Variants in VWF observed in about 807,000 individuals in gnomAD.
The protein encoded by VWF is Factor VIII related antigen.
Under a neutral mutation model 308.6 loss-of-function variants are expected in VWF, and 176 were observed. The observed-to-expected ratio is 0.57, with a 90% CI of 0.50 to 0.65. VWF has a LOEUF of 0.65. Among genes scored for constraint, VWF ranks in the 30% least tolerant of loss-of-function variants. The pLI is 0.00. For synonymous variants in VWF, 1,385 were observed against 1,443.4 expected, an observed-to-expected ratio of 0.96 and a Z score of 0.92; for missense variants, 3,146 against 3,648.2, an observed-to-expected ratio of 0.86 and a Z score of 3.55.
At chr12:5,953,713 G>C in intron 47 of VWF, 119 bp from the exon 48 acceptor site, 2 of 809,800 alleles carry the variant, frequency 2.5e-6, no homozygotes, top group Non-Finnish European at 4.3e-6. Context: ...CTAGAATTCG[G>C]AAAGTCAACA....
Position 6,034,731 on chromosome 12 carries a change from A to G in VWF, c.2642T>C (p.Leu881Pro), listed in dbSNP as rs779314631. The change falls in exon 20 of 52, where the codon CTC (leucine) becomes CCC (proline). Residue 881 changes from leucine (L) to proline (P), a missense_variant. Physicochemically the swap from Leu to Pro is moderately conservative, Grantham distance 98. Coordinates refer to ENST00000261405, the MANE Select transcript of VWF (RefSeq NM_000552.5). ...GCACTCCCCGGGGAACAGGTATTTG[A>G]GCCCGTCGAAGGTGAGGTAGTGGGC... is the stretch of plus-strand genomic sequence containing the variant. ...GMAHYLTFDG[L>P]KYLFPGECQY... 3 of 1,614,108 alleles carry G rather than the reference A, an allele frequency of 1.9e-6. No homozygotes were observed. Among genetic ancestry groups the G allele is most frequent in the Non-Finnish European group, 1.7e-6 (2 of 1,180,020 alleles).
intron 28 of VWF, 77 bp from the exon 29 acceptor site, chr12:6,016,947 A>C (rs1944068771): frequency 6.7e-7 from 1 of 1,490,636 alleles, no homozygotes; most frequent in African/African-American, 1.4e-5. Context: ...CCTGACATCC[A>C]ATAGGATCTG....
intron 18 of VWF, among the ~76,000 whole-genome samples, chr12:6,042,449 C>T (rs897188404): frequency 6.6e-6 from 1 of 152,328 alleles, no homozygotes; most frequent in Middle Eastern, 3.4e-3. Context: ...ACACGTGTCC[C>T]GTGCTGCAGG....
intron 34 of VWF, among the ~76,000 whole-genome samples, chr12:6,008,347 G>C (rs890871585): frequency 1.3e-5 from 2 of 152,174 alleles, no homozygotes; most frequent in Non-Finnish European, 2.9e-5. Flanking sequence ...TTATCCCTCA[G>C]ATAGGAGAAT....
At chr12:6,055,360 T>C (rs1213562172) in intron 15 of VWF, among the ~76,000 whole-genome samples, 3 of 152,174 alleles carry the variant, frequency 2.0e-5, no homozygotes, top group Non-Finnish European at 2.9e-5. Flanking sequence ...AATTTCTAAA[T>C]AGCAAATGCT....
chr12:6,078,269 T>G lies in VWF; in HGVS notation c.658-2718A>C, dbSNP rs146358267. Among the ~76,000 whole-genome samples the G allele has an allele frequency of 2.0e-4, 30 of 152,314 alleles. No homozygotes were observed. The East Asian group carries it at 4.6e-3, about 24-fold the overall frequency. Reference sequence around the variant, plus strand: ...TAGGGAACAGAGGGGCTGCTTGTATTCATCTTTCATTTGGGAAGTTCACAC... The same window carrying G: ...TAGGGAACAGAGGGGCTGCTTGTATGCATCTTTCATTTGGGAAGTTCACAC... On this transcript the variant is annotated intron_variant, in intron 6 of 51. Coordinates refer to ENST00000261405, the MANE Select transcript of VWF (RefSeq NM_000552.5).
At chr12:6,071,906 C>T (rs949883063) in intron 9 of VWF, among the ~76,000 whole-genome samples, 4 of 152,176 alleles carry the variant, frequency 2.6e-5, no homozygotes, top group Admixed American at 6.5e-5. Flanking sequence ...ACTGCAGGGA[C>T]CAAGGGAGGG....
Position 6,012,141 on chromosome 12 carries a change from C to T in VWF, c.5621-11G>A, listed in dbSNP as rs1272413730. On this transcript the variant is annotated splice_polypyrimidine_tract_variant and intron_variant, in intron 32 of 51. Coordinates refer to ENST00000261405, the MANE Select transcript of VWF (RefSeq NM_000552.5). Reference sequence around the variant, plus strand: ...AAATCCTAACAAATCCTGCAACAGACACAAATAAGACCTTAGTTCCCATCT... The same window carrying T: ...AAATCCTAACAAATCCTGCAACAGATACAAATAAGACCTTAGTTCCCATCT... 5.0e-6 allele frequency: 8 copies of T among 1,613,842 alleles called. No homozygotes were observed. The highest frequency in any genetic ancestry group is 4.5e-5 in the East Asian group (2 of 44,892).
intron 43 of VWF, 123 bp from the exon 44 acceptor site, chr12:5,971,832 C>A: frequency 1.2e-6 from 1 of 861,960 alleles, no homozygotes; most frequent in South Asian, 1.4e-5. Context: ...TGGGCATTTT[C>A]ATCTTTGTTG....
chr12:5,971,106 G>A (rs1343175231), intron 44 of VWF, among the ~76,000 whole-genome samples: 1 of 152,170 alleles, frequency 6.6e-6, no homozygotes, highest in Non-Finnish European at 1.5e-5. Flanking sequence ...AGATGCCCCA[G>A]CCAGACCTGC....
chr12:6,031,669 A>G, intron 20 of VWF, 91 bp from the exon 21 acceptor site: 1 of 1,599,354 alleles, frequency 6.3e-7, no homozygotes, highest in Non-Finnish European at 8.5e-7. Context: ...CAGGCCTTTG[A>G]GTACGTGTCA....
intron 6 of VWF, among the ~76,000 whole-genome samples, chr12:6,086,212 C>T (rs1944970184): frequency 1.3e-5 from 2 of 152,196 alleles, no homozygotes; most frequent in Non-Finnish European, 2.9e-5. Context: ...GGGACTGCCC[C>T]CTGGATTCTT....
intron 5 of VWF, among the ~76,000 whole-genome samples, chr12:6,109,941 C>T (rs548951627): frequency 9.3e-4 from 141 of 152,280 alleles, no homozygotes; most frequent in Non-Finnish European, 1.7e-3. Context: ...TAAGCCACTG[C>T]GCCCAGCCTA....
At chr12:5,960,295 G>A (rs138871973) in intron 47 of VWF, among the ~76,000 whole-genome samples, 1 of 151,814 alleles carries the variant, frequency 6.6e-6, no homozygotes. Context: ...ATGAAAAACT[G>A]ATTTACCAAA....
chr12:6,051,969 T>C (rs2136448780), intron 16 of VWF, among the ~76,000 whole-genome samples: 1 of 152,214 alleles, frequency 6.6e-6, no homozygotes, highest in Non-Finnish European at 1.5e-5. Context: ...AGGTGACAGG[T>C]AAGTGTTTGC....
intron 5 of VWF, among the ~76,000 whole-genome samples, chr12:6,098,221 C>A (rs1403666855): frequency 6.6e-6 from 1 of 152,156 alleles, no homozygotes. Flanking sequence ...TCTTTAACAA[C>A]CAAAGACAAC....
chr12:6,098,672 G>A (rs1324566709), intron 5 of VWF, among the ~76,000 whole-genome samples: 6 of 151,914 alleles, frequency 3.9e-5, no homozygotes, highest in African/African-American at 4.8e-5. Context: ...CCAGCTACTC[G>A]GGAGGCTGAG....
intron 18 of VWF, among the ~76,000 whole-genome samples, chr12:6,038,755 T>C (rs1183137352): frequency 1.3e-5 from 2 of 152,226 alleles, no homozygotes; most frequent in Non-Finnish European, 2.9e-5. Context: ...GACCTTGATA[T>C]TAAGTGAGGA....
At chr12:6,065,350 T>A (rs950959090) in intron 10 of VWF, 77 bp from the exon 11 acceptor site, 29 of 1,583,372 alleles carry the variant, frequency 1.8e-5, no homozygotes, top group Non-Finnish European at 2.4e-5. Context: ...GGAATGCATA[T>A]GCAAGCAGGG....
Sources: gnomAD v4.1 joint callset for allele counts (sites outside exome capture counted in the v4.1 genomes callset) on GRCh38, gnomAD v4.1.1 for gene constraint, MANE v1.5 for transcripts, NCBI Gene and HGNC (gene_info 2026-07-23, HGNC 2026-07-21) for gene names.